The following MAP3K14 variants were observed in gnomAD, a reference collection of about 807,000 sequenced individuals.
The protein encoded by MAP3K14 is mitogen-activated protein kinase kinase kinase 14.
In MAP3K14, 16 loss-of-function variants were observed where a neutral mutation model predicts 99.2. The observed-to-expected ratio is 0.16, with a 90% CI of 0.11 to 0.24. The LOEUF is 0.24. Ranked by LOEUF, MAP3K14 falls within the 10% of genes least tolerant of loss-of-function variation. MAP3K14 has a pLI of 1.00. For missense variants in MAP3K14, 784 were observed against 1,208.7 expected (o/e 0.65, Z 5.21); for synonymous variants, 462 against 492.4 (o/e 0.94, Z 0.82).
intron 1 of MAP3K14, among the ~76,000 whole-genome samples, chr17:45,307,561 C>T (rs2044439679): frequency 6.6e-6 from 1 of 152,118 alleles, no homozygotes; most frequent in Non-Finnish European, 1.5e-5. Context: ...CTTATTTAAC[C>T]TTTTGGGGTG....
In MAP3K14 at chr17:45,267,567, G is replaced by A; in HGVS notation, c.2165C>T (p.Pro722Leu). Reference protein sequence around the residue: ...KLQPPLPPEPPEPNKSPPLTL... With the variant: ...KLQPPLPPEPLEPNKSPPLTL... ...CAAGGGAGGAGACTTGTTTGGCTCT[G>A]GGGGCTCTGGTGGGAGAGGAGGCTG... Residue 722 changes from proline to leucine, a missense_variant, in exon 12 of 16, where the codon CCA becomes CTA. Around this residue, in one of 5 missense-constraint regions of MAP3K14, gnomAD observed 128 missense variants for 143.3 expected, o/e 0.89. Coordinates refer to ENST00000344686, the MANE Select transcript of MAP3K14 (RefSeq NM_003954.5). The surrounding 1 kb of genome is among the most constrained non-coding windows in gnomAD (Gnocchi z 5.1). 3 of 1,613,554 alleles carry A rather than the reference G, an allele frequency of 1.9e-6. No individual in the cohort carries two copies. The highest frequency in any genetic ancestry group is 2.5e-6 in the Non-Finnish European group (3 of 1,179,680).
chr17:45,289,365 G>A (rs902196013), intron 2 of MAP3K14, 60 bp from the exon 3 acceptor site: 2 of 1,381,962 alleles, frequency 1.4e-6, no homozygotes, highest in South Asian at 1.2e-5. Flanking sequence ...AGCACTTAGG[G>A]GAGAGACATT....
At chr17:45,293,364 G>A (rs1395673610) in intron 1 of MAP3K14, among the ~76,000 whole-genome samples, 1 of 152,206 alleles carries the variant, frequency 6.6e-6, no homozygotes, top group Non-Finnish European at 1.5e-5. Context: ...CTCCTCCAGA[G>A]GGGGTGCAGG....
intron 14 of MAP3K14, 129 bp downstream of exon 14, chr17:45,266,408 T>G (rs1377134525): frequency 7.9e-7 from 1 of 1,259,608 alleles, no homozygotes; most frequent in Non-Finnish European, 1.1e-6. Flanking sequence ...AACCTCAAGT[T>G]CTGGGACCAG....
chr17:45,270,385 G>A (rs1322044817), intron 11 of MAP3K14, 28 bp downstream of exon 11: 4 of 1,601,610 alleles, frequency 2.5e-6, no homozygotes, highest in South Asian at 2.2e-5. Context: ...TCTGCCCCCC[G>A]GGTCAGCCAG....
intron 10 of MAP3K14, 52 bp downstream of exon 10, chr17:45,271,006 C>G: frequency 1.3e-6 from 2 of 1,584,078 alleles, no homozygotes; most frequent in Non-Finnish European, 1.7e-6. Flanking sequence ...GCAGCCTGGG[C>G]CCCAGGGCCC....
chr17:45,264,598 T>C lies in MAP3K14; in HGVS notation c.*38A>G. 1 of 1,533,640 alleles carries C rather than the reference T, an allele frequency of 6.5e-7. No individual in the cohort carries two copies. Among genetic ancestry groups the C allele is most frequent in the South Asian group, 1.2e-5 (1 of 81,894 alleles). The stretch of plus-strand genomic sequence containing the variant: ...AGCATCGTGCACCGAGCAGGAAGGC[T>C]GCTTCCGGCAGTGTGGAGCCGGCGG... On this transcript the variant is annotated 3_prime_UTR_variant, in exon 16 of 16. Transcript: ENST00000344686.
At chr17:45,287,468 C>G in intron 3 of MAP3K14, 104 bp from the exon 4 acceptor site, 1 of 963,840 alleles carries the variant, frequency 1.0e-6, no homozygotes, top group Non-Finnish European at 1.6e-6. Context: ...GGTCAAATCC[C>G]AGGTTGCCAT....
intron 1 of MAP3K14, among the ~76,000 whole-genome samples, chr17:45,312,796 C>T (rs1400781801): frequency 1.3e-5 from 2 of 152,180 alleles, no homozygotes; most frequent in Non-Finnish European, 2.9e-5. Flanking sequence ...CTGACAAAGA[C>T]ATCTTTACGA....
Position 45,267,878 on chromosome 17 carries a change from C to T in MAP3K14, c.1973-119G>A. 1.2e-6 allele frequency: 1 copy of T among 814,558 alleles called. No homozygotes were observed. The highest frequency in any genetic ancestry group is 1.6e-5 in the South Asian group (1 of 61,466). 50.5% of individuals were successfully genotyped at this position (814,558 alleles called of 1,614,324 possible). ...GAGGCAAACAAAGGGGAGGACACTGCCCCGGGCCACCATGGGAGGTGGCTC... is the reference window on the plus strand; with the variant it reads ...GAGGCAAACAAAGGGGAGGACACTGTCCCGGGCCACCATGGGAGGTGGCTC... On this transcript the variant is annotated intron_variant, in intron 11 of 15. Transcript: ENST00000344686. The surrounding 1 kb of genome is among the most constrained non-coding windows in gnomAD (Gnocchi z 5.1).
intron 6 of MAP3K14, 122 bp from the exon 7 acceptor site, chr17:45,274,715 A>AGGGGCCTGG: frequency 7.8e-7 from 1 of 1,284,010 alleles, no homozygotes. Context: ...GTGGTGATGC[A>AGGGGCCTGG]GGGGCCTGGG....
At chr17:45,274,360 G>A in intron 7 of MAP3K14, 104 bp downstream of exon 7, 1 of 1,576,646 alleles carries the variant, frequency 6.3e-7, no homozygotes, top group South Asian at 1.2e-5. Context: ...ACAGGGTCAA[G>A]AGGTTAACAA....
chr17:45,316,161 C>A (rs1366381370), intron 1 of MAP3K14, among the ~76,000 whole-genome samples: 1 of 152,168 alleles, frequency 6.6e-6, no homozygotes, highest in Non-Finnish European at 1.5e-5. Context: ...TCCAGTCCAC[C>A]CTTTAGGGCC....
rs1479027475 is a variant in MAP3K14, at chr17:45,286,376, G to A, written c.1152+55C>T. The stretch of plus-strand genomic sequence containing the variant: ...GAGTGACTCTGATAAAGAGAGAAAA[G>A]CATCCCCCAGGTTGCTGGTAGAGGG... On this transcript the variant is annotated intron_variant, in intron 5 of 15. Coordinates refer to ENST00000344686, the MANE Select transcript of MAP3K14 (RefSeq NM_003954.5). This position sits in a 1 kb window ranked among gnomAD's most constrained non-coding sequence, Gnocchi z 4.1. The A allele has an allele frequency of 6.7e-7, 1 of 1,494,924 alleles. No homozygotes were observed. Among genetic ancestry groups the A allele is most frequent in the Non-Finnish European group, 8.9e-7 (1 of 1,119,136 alleles). The allele number at this position is 1,494,924 out of a possible 1,614,324, so 92.6% of individuals were successfully genotyped here.
intron 14 of MAP3K14, among the ~76,000 whole-genome samples, chr17:45,265,594 T>C (rs1440981660): frequency 2.0e-5 from 3 of 151,884 alleles, no homozygotes; most frequent in East Asian, 3.9e-4. Flanking sequence ...TGCGCCACTA[T>C]ACCCAGCTAA....
intron 6 of MAP3K14, among the ~76,000 whole-genome samples, chr17:45,277,032 G>A (rs1034876616): frequency 4.1e-5 from 6 of 148,140 alleles, no homozygotes; most frequent in Admixed American, 1.4e-4. Context: ...GTTTCACCAC[G>A]TTGGCCAGGC....
chr17:45,314,490 T>C (rs981835546), intron 1 of MAP3K14, among the ~76,000 whole-genome samples: 1 of 152,136 alleles, frequency 6.6e-6, no homozygotes, highest in East Asian at 1.9e-4. Flanking sequence ...ATAGTGCCCA[T>C]AATGCTCAGA....
chr17:45,289,232 T>C lies in MAP3K14; in HGVS notation c.326+4A>G. 6.2e-7 allele frequency: 1 copy of C among 1,613,700 alleles called. No individual in the cohort carries two copies. The stretch of plus-strand genomic sequence containing the variant: ...TCCCACTCAGGCTTGTCTCCCCTGC[T>C]TACCTGTACTGTTTGGACCCAGCGA... On this transcript the variant is annotated splice_donor_region_variant and intron_variant, in intron 3 of 15. Transcript: ENST00000344686.
At chr17:45,284,533 GCC>G (rs2044248840) in intron 6 of MAP3K14, among the ~76,000 whole-genome samples, 1 of 152,210 alleles carries the variant, frequency 6.6e-6, no homozygotes, top group South Asian at 2.1e-4. Flanking sequence ...GTTGGGACTT[GCC>G]CCTCAGGCCC....
Sources: allele counts gnomAD v4.1 joint callset (sites outside exome capture counted in the v4.1 genomes callset), GRCh38; gene constraint gnomAD v4.1.1; regional missense constraint gnomAD v4.1.1; non-coding constraint Gnocchi (gnomAD v3.1); transcripts MANE v1.5; gene names NCBI Gene and HGNC (gene_info 2026-07-23, HGNC 2026-07-21).